PPP6R2: variants seen among roughly 807,000 people sequenced by gnomAD.
PPP6R2 encodes the protein protein phosphatase 6 regulatory subunit 2.
In PPP6R2, 62 loss-of-function variants were observed where a neutral mutation model predicts 100.2. The observed-to-expected ratio is 0.62, with a 90% confidence interval of 0.50 to 0.76. PPP6R2 has a LOEUF of 0.76. PPP6R2 is among the 30% of genes least tolerant of loss of function. The probability of loss-of-function intolerance (pLI) is 0.00; values close to 1 mark genes in which losing one functional copy is unlikely to be tolerated. For missense variants in PPP6R2, 1,142 were observed against 1,276.3 expected (o/e 0.89, Z 1.60); for synonymous variants, 525 against 514.7 (o/e 1.02, Z -0.27).
chr22:50,404,126 G>A (rs985496719), intron 3 of PPP6R2, among the ~76,000 whole-genome samples: 4 of 140,938 alleles, frequency 2.8e-5, no homozygotes, highest in Admixed American at 1.5e-4. Flanking sequence ...CAAGAGTCTC[G>A]CTCTGTCACC....
intron 8 of PPP6R2, among the ~76,000 whole-genome samples, chr22:50,420,194 A>G (rs760876297): frequency 2.0e-4 from 31 of 152,212 alleles, no homozygotes; most frequent in Non-Finnish European, 5.9e-5. Flanking sequence ...AGGGACCCAC[A>G]TGGGGCTGGT....
chr22:50,377,171 A>G (rs2051784270), intron 2 of PPP6R2, among the ~76,000 whole-genome samples: 1 of 152,200 alleles, frequency 6.6e-6, no homozygotes, highest in African/African-American at 2.4e-5. Flanking sequence ...TCACAAATTC[A>G]GGCCAGGTGA....
intron 2 of PPP6R2, among the ~76,000 whole-genome samples, chr22:50,383,720 G>T (rs918307077): frequency 6.6e-6 from 1 of 152,024 alleles, no homozygotes; most frequent in Non-Finnish European, 1.5e-5. Flanking sequence ...GAGAGGGTGG[G>T]TGCTAAAAAA....
rs1160542090 is a variant in PPP6R2, at chr22:50,444,646, AAAG to A, written c.*402_*404del. 1.3e-5 allele frequency: 3 copies of A among 233,168 alleles called. No individual in the cohort carries two copies. Among genetic ancestry groups the A allele is most frequent in the Non-Finnish European group, 2.5e-5 (3 of 120,572 alleles). The allele number at this position is 233,168 out of a possible 1,614,324, so 14.4% of individuals were successfully genotyped here. A position where few individuals can be genotyped will look rare whatever the true frequency, so the allele number is the denominator to read the frequency against. On this transcript the variant is annotated 3_prime_UTR_variant, in exon 24 of 24. Transcript: ENST00000612753. ...TTTTTTTTGTTGTTGTTTTGTTTTT[AAAG>A]AATACAGAAGGAGCCAAGCTTTTTT... is the stretch of plus-strand genomic sequence containing the variant.
At chr22:50,347,520 G>A (rs2044062803) in intron 1 of PPP6R2, among the ~76,000 whole-genome samples, 1 of 151,018 alleles carries the variant, frequency 6.6e-6, no homozygotes, top group South Asian at 2.1e-4. Context: ...CTTCCCCCAT[G>A]CACCGTACTG....
the PPP6R2 span, among the ~76,000 whole-genome samples, chr22:50,331,748 G>A: frequency 6.6e-6 from 1 of 151,864 alleles, no homozygotes; most frequent in African/African-American, 2.4e-5. Context: ...TCAGCCTCCC[G>A]AGTAGCTGGG....
At chr22:50,432,162 C>A in intron 11 of PPP6R2, 103 bp from the exon 12 acceptor site, 1 of 1,074,422 alleles carries the variant, frequency 9.3e-7, no homozygotes, top group Non-Finnish European at 1.4e-6. Context: ...AAAGTCCACA[C>A]AGACGTGGCC....
At chr22:50,340,600 G>GTGTGTGGT (rs1555946591), upstream of PPP6R2, among the ~76,000 whole-genome samples, 55 of 147,498 alleles carry the variant, frequency 3.7e-4, 1 homozygote, top group African/African-American at 1.4e-3. Flanking sequence ...GTGTGTGTGT[G>GTGTGTGGT]GTGTGTGGTG....
chr22:50,393,282 A>T lies in PPP6R2; in HGVS notation c.-16-611A>T, dbSNP rs969783582. ...CTGGGTGTGATTCAGCAAGATGGGG[A>T]CGATGAGTGGATGGGCCGGGTGGCT... On this transcript the variant is annotated intron_variant, in intron 2 of 23. Transcript: ENST00000612753. The T allele has an allele frequency of 1.7e-5, 9 of 535,382 alleles. No homozygotes were observed. The African/African-American group carries it at 1.9e-4, about 11-fold the overall frequency. 33.2% of individuals were successfully genotyped at this position (535,382 alleles called of 1,614,324 possible).
chr22:50,375,886 G>C (rs1175523906), intron 2 of PPP6R2, among the ~76,000 whole-genome samples: 1 of 107,776 alleles, frequency 9.3e-6, no homozygotes, highest in Admixed American at 1.1e-4. Context: ...TGTATCCCAG[G>C]CTGAAGTGCA....
At chr22:50,382,820 T>C (rs1165635030) in intron 2 of PPP6R2, among the ~76,000 whole-genome samples, 1 of 149,490 alleles carries the variant, frequency 6.7e-6, no homozygotes, top group East Asian at 2.0e-4. Flanking sequence ...GGGAAAAGGG[T>C]GAAATTTACA....
At chr22:50,441,983 T>TA (rs1015269661) in intron 22 of PPP6R2, among the ~76,000 whole-genome samples, 3 of 152,098 alleles carry the variant, frequency 2.0e-5, no homozygotes, top group Non-Finnish European at 2.9e-5. Flanking sequence ...GAGCTCCCAG[T>TA]AGGTCCAGGC....
intron 1 of PPP6R2, among the ~76,000 whole-genome samples, chr22:50,350,106 A>G (rs1372170046): frequency 6.6e-6 from 1 of 152,112 alleles, no homozygotes; most frequent in Non-Finnish European, 1.5e-5. Context: ...CAACAGAGCA[A>G]GACTCTGTCT....
At chr22:50,364,019 CGAGTAGCTGG>C (rs549619727) in intron 1 of PPP6R2, among the ~76,000 whole-genome samples, 1 of 152,028 alleles carries the variant, frequency 6.6e-6, no homozygotes, top group African/African-American at 2.4e-5. Context: ...CTAAGCCTCC[CGAGTAGCTGG>C]GATTACAGGC....
chr22:50,391,432 C>CA (rs57682271), intron 2 of PPP6R2, among the ~76,000 whole-genome samples: 834 of 64,410 alleles, frequency 0.013, 51 homozygotes, highest in East Asian at 0.03. Flanking sequence ...GACTCCGTCT[C>CA]AAAAAAAAAA....
rs760525478 is a variant in PPP6R2, at chr22:50,406,787, T to A, written c.326T>A (p.Phe109Tyr). ...DESLLSLLYD[F>Y]LDHEPPLNPL... Reference sequence around the variant, plus strand: ...AGCCTGCTGAGCCTCCTGTACGACTTCTTGGACCATGAGCCGCCTCTCAAT... The same window carrying A: ...AGCCTGCTGAGCCTCCTGTACGACTACTTGGACCATGAGCCGCCTCTCAAT... The change falls in exon 4 of 24, where the codon TTC becomes TAC. Residue 109 changes from phenylalanine (F) to tyrosine (Y), a missense_variant. Phe to Tyr is a conservative substitution (Grantham distance 22). This residue lies in a region of PPP6R2 where 592 missense variants were observed against 758.9 expected (regional missense o/e 0.78). Transcript: ENST00000612753. 3 of 1,614,082 alleles carry A rather than the reference T, an allele frequency of 1.9e-6. No homozygotes were observed. Among genetic ancestry groups the A allele is most frequent in the Non-Finnish European group, 2.5e-6 (3 of 1,179,956 alleles).
intron 3 of PPP6R2, among the ~76,000 whole-genome samples, chr22:50,398,263 C>G (rs1292242409): frequency 2.0e-5 from 3 of 151,242 alleles, no homozygotes; most frequent in Admixed American, 6.6e-5. Flanking sequence ...CCTCCGCGTC[C>G]CAGGTTCAAG....
intron 1 of PPP6R2, among the ~76,000 whole-genome samples, chr22:50,353,918 A>T (rs1470705533): frequency 6.6e-6 from 1 of 152,016 alleles, no homozygotes; most frequent in East Asian, 1.9e-4. Context: ...AAAGAAAATT[A>T]AAAGAATACA....
intron 3 of PPP6R2, among the ~76,000 whole-genome samples, chr22:50,404,599 GTT>G (rs57447654): frequency 0.32 from 37,704 of 119,510 alleles, 5,973 homozygotes; most frequent in East Asian, 0.71. Context: ...TTTCTTTCTT[GTT>G]TTTTTTTTTT....
Sources: gnomAD v4.1 joint callset for allele counts (sites outside exome capture counted in the v4.1 genomes callset) on GRCh38, gnomAD v4.1.1 for gene constraint, gnomAD v4.1.1 regional missense constraint, MANE v1.5 for transcripts, NCBI Gene and HGNC (gene_info 2026-07-23, HGNC 2026-07-21) for gene names.